RAPGEF4: variants seen among roughly 807,000 people sequenced by gnomAD.
RAPGEF4 encodes RAP guanine-nucleotide-exchange factor (GEF) 4.
RAPGEF4 carries 66 observed loss-of-function variants against 147.9 expected under a neutral mutation model. That is an observed-to-expected ratio of 0.45 (90% CI 0.37 to 0.55). The LOEUF (loss-of-function observed/expected upper bound fraction) is 0.55. Among genes scored for constraint, RAPGEF4 ranks in the 20% least tolerant of loss-of-function variants. The pLI, the probability that RAPGEF4 is intolerant of heterozygous loss-of-function variation, is 0.00. For synonymous variants in RAPGEF4, 419 were observed against 442.7 expected (o/e 0.95, Z 0.67); for missense variants, 1,071 against 1,257.3 (o/e 0.85, Z 2.24).
intron 4 of RAPGEF4, among the ~76,000 whole-genome samples, chr2:172,818,682 A>G (rs1482306856): frequency 1.3e-5 from 2 of 152,196 alleles, no homozygotes; most frequent in Non-Finnish European, 2.9e-5. Flanking sequence ...TGTTGCTTCT[A>G]AGGGAAAATT....
intron 3 of RAPGEF4, among the ~76,000 whole-genome samples, chr2:172,801,881 C>G (rs1293546804): frequency 6.6e-6 from 1 of 152,220 alleles, no homozygotes; most frequent in Non-Finnish European, 1.5e-5. Flanking sequence ...GCCCTCCCCT[C>G]TAAGCCCACT....
chr2:173,029,785 T>C (rs1697013056), intron 25 of RAPGEF4, among the ~76,000 whole-genome samples: 1 of 152,210 alleles, frequency 6.6e-6, no homozygotes, highest in African/African-American at 2.4e-5. Flanking sequence ...GATATCCACC[T>C]TCAGGCTAAA....
intron 4 of RAPGEF4, among the ~76,000 whole-genome samples, chr2:172,911,611 A>C (rs1050925609): frequency 2.0e-5 from 3 of 151,718 alleles, no homozygotes; most frequent in Non-Finnish European, 4.4e-5. Context: ...GGCGTGTACC[A>C]CCACACCCAG....
At chr2:172,844,575 T>G (rs902141268) in intron 4 of RAPGEF4, among the ~76,000 whole-genome samples, 2 of 152,174 alleles carry the variant, frequency 1.3e-5, no homozygotes, top group African/African-American at 4.8e-5. Flanking sequence ...GACTTGGCTG[T>G]GATTGTCTTT....
At chr2:172,948,017 A>G (rs1178837895) in intron 6 of RAPGEF4, among the ~76,000 whole-genome samples, 1 of 152,156 alleles carries the variant, frequency 6.6e-6, no homozygotes, top group Non-Finnish European at 1.5e-5. Context: ...TATGCTTTAT[A>G]TCAGTGAAAT....
At chr2:172,810,503 G>T (rs570988506) in intron 3 of RAPGEF4, among the ~76,000 whole-genome samples, 1 of 152,224 alleles carries the variant, frequency 6.6e-6, no homozygotes, top group Non-Finnish European at 1.5e-5. Context: ...AAGTAAGGAG[G>T]TCTGTGTTTT....
intron 1 of RAPGEF4, among the ~76,000 whole-genome samples, chr2:172,750,232 C>T (rs1057301242): frequency 6.6e-6 from 1 of 151,938 alleles, no homozygotes; most frequent in African/African-American, 2.4e-5. Context: ...CTGTATTAGT[C>T]TCTGTTTATG....
intron 4 of RAPGEF4, among the ~76,000 whole-genome samples, chr2:172,839,029 C>T (rs1053210021): frequency 2.0e-5 from 3 of 152,124 alleles, no homozygotes; most frequent in Non-Finnish European, 4.4e-5. Context: ...TGGTGTAGGT[C>T]TCCATGACCC....
At chr2:173,026,996 A>G in intron 24 of RAPGEF4, 85 bp from the exon 25 acceptor site, 1 of 1,269,976 alleles carries the variant, frequency 7.9e-7, no homozygotes, top group Non-Finnish European at 1.1e-6. Flanking sequence ...GCTGACCAGT[A>G]AAACACTGTC....
chr2:172,864,318 G>A (rs536564954), intron 4 of RAPGEF4, among the ~76,000 whole-genome samples: 1 of 152,330 alleles, frequency 6.6e-6, no homozygotes, highest in South Asian at 2.1e-4. Context: ...GGGAGCACTG[G>A]ACATTGAAGG....
At chr2:172,879,870 TG>T (rs34964737) in intron 4 of RAPGEF4, among the ~76,000 whole-genome samples, 2 of 152,188 alleles carry the variant, frequency 1.3e-5, no homozygotes, top group Non-Finnish European at 2.9e-5. Flanking sequence ...CTTAGCTTTC[TG>T]GGAAAAGTAC....
rs1177785705 is a variant in RAPGEF4, at chr2:172,990,848, C to T, written c.1413C>T (p.Asp471=). 2 of 1,613,974 alleles carry T rather than the reference C, an allele frequency of 1.2e-6. No individual in the cohort carries two copies. The highest frequency in any genetic ancestry group is 1.7e-6 in the Non-Finnish European group (2 of 1,179,928). ...EANTVRLKEH[D]QDVLVLEKVP... ...ATACAGTCAGACTTAAAGAACATGA[C>T]CAAGATGTCTTGGTGCTGGAGAAGG... The change falls in exon 15 of 31, where the codon GAC becomes GAT. Residue 471 remains aspartate, a synonymous_variant. Coordinates refer to ENST00000397081, the MANE Select transcript of RAPGEF4 (RefSeq NM_007023.4).
intron 4 of RAPGEF4, among the ~76,000 whole-genome samples, chr2:172,895,102 C>A (rs1259304741): frequency 6.6e-6 from 1 of 152,052 alleles, no homozygotes; most frequent in Non-Finnish European, 1.5e-5. Flanking sequence ...GTTTTAAGTG[C>A]TCCTTTGGCA....
chr2:172,900,228 T>G (rs1698928973), intron 4 of RAPGEF4, among the ~76,000 whole-genome samples: 3 of 152,204 alleles, frequency 2.0e-5, no homozygotes, highest in Admixed American at 2.0e-4. Context: ...TGGATAATTT[T>G]TAGGTTTTGG....
At chr2:172,796,125 T>G (rs1347699144) in intron 2 of RAPGEF4, among the ~76,000 whole-genome samples, 70 of 152,052 alleles carry the variant, frequency 4.6e-4, no homozygotes, top group Admixed American at 4.6e-3. Context: ...CTAGTGGAGC[T>G]AACACCTAGC....
rs1697034793 is a variant in RAPGEF4, at chr2:172,885,076, C to T, written c.445-32726C>T. ...CTTCATCTGAGGGTTTTCTTCAATGCTGGGGGATATTCACAGCCCAACAAG... is the reference window on the plus strand; with the variant it reads ...CTTCATCTGAGGGTTTTCTTCAATGTTGGGGGATATTCACAGCCCAACAAG... On this transcript the variant is annotated intron_variant, in intron 4 of 30. Coordinates refer to ENST00000397081, the MANE Select transcript of RAPGEF4 (RefSeq NM_007023.4). 2.0e-5 allele frequency among the ~76,000 whole-genome samples: 3 copies of T among 152,206 alleles called. 1 individual carries two copies. The East Asian group carries it at 5.8e-4, about 29-fold the overall frequency.
At chr2:172,890,503 A>T (rs924312255) in intron 4 of RAPGEF4, among the ~76,000 whole-genome samples, 4 of 152,220 alleles carry the variant, frequency 2.6e-5, no homozygotes, top group Non-Finnish European at 4.4e-5. Context: ...CTGCAAATAA[A>T]TAAACCAGTG....
At chr2:172,875,951 G>A (rs1315237150) in intron 4 of RAPGEF4, among the ~76,000 whole-genome samples, 40 of 152,090 alleles carry the variant, frequency 2.6e-4, no homozygotes, top group Admixed American at 2.6e-3. Flanking sequence ...TCCTTGAAGA[G>A]GTCCTTCACA....
In RAPGEF4 at chr2:172,913,302, A is replaced by G. The variant is rs573187101; in HGVS notation, c.445-4500A>G. 4.6e-5 allele frequency among the ~76,000 whole-genome samples: 7 copies of G among 152,278 alleles called. No homozygotes were observed. In the South Asian group the frequency reaches 1.2e-3, roughly 27 times the overall value. On this transcript the variant is annotated intron_variant, in intron 4 of 30. Transcript: ENST00000397081. Reference sequence around the variant, plus strand: ...TTTGTTGTACCACCACCTCACTTTCAGGTATCAAATTCTGCTTCAGTTATC... The same window carrying G: ...TTTGTTGTACCACCACCTCACTTTCGGGTATCAAATTCTGCTTCAGTTATC...
Sources: allele counts gnomAD v4.1 joint callset (sites outside exome capture counted in the v4.1 genomes callset), GRCh38; gene constraint gnomAD v4.1.1; transcripts MANE v1.5; gene names NCBI Gene and HGNC (gene_info 2026-07-23, HGNC 2026-07-21).